Variants in C16orf96 observed in about 807,000 individuals in gnomAD.
C16orf96 encodes the protein uncharacterized protein C16orf96.
C16orf96 carries 108 observed loss-of-function variants against 103.6 expected under a neutral mutation model. The observed-to-expected ratio is 1.04, with a 90% confidence interval of 0.89 to 1.22. C16orf96 has a LOEUF of 1.22. Ranked by LOEUF, C16orf96 falls within the 50% of genes most tolerant of loss-of-function variation. The pLI, the probability that C16orf96 is intolerant of heterozygous loss-of-function variation, is 0.00. For synonymous variants in C16orf96, 566 were observed against 593.5 expected (o/e 0.95, Z 0.67); for missense variants, 1,586 against 1,464.2 (o/e 1.08, Z -1.36).
the C16orf96 span, among the ~76,000 whole-genome samples, chr16:4,545,188 T>C: frequency 2.0e-5 from 3 of 152,172 alleles, 1 homozygote; most frequent in South Asian, 6.2e-4. Flanking sequence ...ATTTTTGGAC[T>C]TCTGTATCTG....
chr16:4,584,315 G>A (rs1367052879), intron 7 of C16orf96, among the ~76,000 whole-genome samples: 1 of 149,146 alleles, frequency 6.7e-6, no homozygotes, highest in Non-Finnish European at 1.5e-5. Flanking sequence ...GGCCTCCTGA[G>A]TAGCTGGGAC....
At chr16:4,591,446 C>G (rs368412180) in intron 9 of C16orf96, among the ~76,000 whole-genome samples, 93 of 152,110 alleles carry the variant, frequency 6.1e-4, no homozygotes, top group Middle Eastern at 6.8e-3. Flanking sequence ...GCTTCTGCTG[C>G]TAGGAAGCTC....
intron 1 of C16orf96, among the ~76,000 whole-genome samples, chr16:4,559,320 G>A (rs1313324545): frequency 6.6e-6 from 1 of 151,838 alleles, no homozygotes; most frequent in Non-Finnish European, 1.5e-5. Flanking sequence ...AGGCAGGTGG[G>A]TCACTTGAGG....
At position 4,575,751 on chromosome 16, in the gene C16orf96, C is replaced by T. The variant is rs770408242; in HGVS notation, c.1271C>T (p.Pro424Leu). Residue 424 changes from proline (P) to leucine (L), a missense_variant, in exon 5 of 16, where the codon CCA (proline) becomes CTA (leucine). Coordinates refer to ENST00000444310, the MANE Select transcript of C16orf96 (RefSeq NM_001145011.2). ...RPTQPQPSRAPPPATEFGSLW... is the reference protein window; with the variant it reads ...RPTQPQPSRALPPATEFGSLW... ...ACTCAGCCCCAACCCTCCAGGGCCC[C>T]ACCACCAGCCACTGAGTTTGGCTCA... 1.3e-6 allele frequency: 2 copies of T among 1,546,628 alleles called. No homozygotes were observed. The highest frequency in any genetic ancestry group is 1.7e-6 in the Non-Finnish European group (2 of 1,144,886).
At chr16:4,554,164 T>C (rs959896303), upstream of C16orf96, among the ~76,000 whole-genome samples, 2 of 152,088 alleles carry the variant, frequency 1.3e-5, no homozygotes, top group East Asian at 3.9e-4. Context: ...CTCCTGGTCC[T>C]GTGGCAGCTG....
rs772359739 is a variant in C16orf96, at chr16:4,599,381, C to T, written c.3208+17C>T. ...TCTGCCCCCGTGAGTACCTGGTTCCCAGCCCCAGCCCAGCTGTGATTCTGG... is the reference window on the plus strand; with the variant it reads ...TCTGCCCCCGTGAGTACCTGGTTCCTAGCCCCAGCCCAGCTGTGATTCTGG... On this transcript the variant is annotated intron_variant, in intron 15 of 15. Transcript: ENST00000444310. 7.1e-6 allele frequency: 11 copies of T among 1,544,436 alleles called. No homozygotes were observed. In the South Asian group the frequency reaches 1.1e-4, roughly 15 times the overall value.
intron 9 of C16orf96, among the ~76,000 whole-genome samples, chr16:4,588,539 A>G (rs1896982511): frequency 6.6e-6 from 1 of 152,132 alleles, no homozygotes; most frequent in African/African-American, 2.4e-5. Context: ...ATGAGGCTGG[A>G]TGAGCCAATT....
chr16:4,544,711 C>T, the C16orf96 span, among the ~76,000 whole-genome samples: 3 of 152,164 alleles, frequency 2.0e-5, no homozygotes, highest in African/African-American at 7.2e-5. Flanking sequence ...GCATTTAGGT[C>T]ACTGCTCATA....
At chr16:4,546,310 T>C in the C16orf96 span, among the ~76,000 whole-genome samples, 2 of 151,338 alleles carry the variant, frequency 1.3e-5, no homozygotes, top group African/African-American at 2.4e-5. Context: ...AGGCGCCCGC[T>C]ACCGCGCCCA....
the C16orf96 span, among the ~76,000 whole-genome samples, chr16:4,548,337 C>T: frequency 2.0e-5 from 3 of 152,180 alleles, no homozygotes; most frequent in South Asian, 2.1e-4. Context: ...GCACCCAAGG[C>T]GCGCCTCTGA....
intron 1 of C16orf96, among the ~76,000 whole-genome samples, chr16:4,570,876 G>T (rs1486877428): frequency 6.6e-6 from 1 of 152,146 alleles, no homozygotes; most frequent in Admixed American, 6.5e-5. Flanking sequence ...CTCCACAGGA[G>T]CCCGAGAGAT....
rs753850793 is a variant in C16orf96, at chr16:4,576,362, C to T, written c.1882C>T (p.Pro628Ser). 1.4e-5 allele frequency: 22 copies of T among 1,550,792 alleles called. No individual in the cohort carries two copies. The highest frequency in any genetic ancestry group is 1.8e-5 in the Non-Finnish European group (21 of 1,147,006). The change falls in exon 5 of 16, where the codon CCT becomes TCT. Residue 628 changes from proline (P) to serine (S), a missense_variant. Coordinates refer to ENST00000444310, the MANE Select transcript of C16orf96 (RefSeq NM_001145011.2). ...GVFADVLGAG[P>S]SRGATESQIL... is the part of the protein sequence containing the mutation. ...CTTTGCAGATGTCCTGGGTGCAGGG[C>T]CTTCCCGGGGAGCCACAGAATCCCA...
chr16:4,562,736 G>T, intron 1 of C16orf96: 1 of 646,190 alleles, frequency 1.5e-6, no homozygotes, highest in Non-Finnish European at 2.5e-6. Context: ...AGAACATTTA[G>T]AAAACAAAAG....
At chr16:4,550,207 C>G in the C16orf96 span, among the ~76,000 whole-genome samples, 1 of 151,950 alleles carries the variant, frequency 6.6e-6, no homozygotes, top group Admixed American at 6.6e-5. Context: ...GCCTCAGCCT[C>G]CCAAGTAGCT....
chr16:4,550,617 T>C, the C16orf96 span, among the ~76,000 whole-genome samples: 32 of 152,108 alleles, frequency 2.1e-4, no homozygotes, highest in Admixed American at 1.8e-3. Flanking sequence ...CCTCCCTTCA[T>C]CTCAACAAGG....
chr16:4,592,192 C>T, intron 10 of C16orf96, 113 bp from the exon 11 acceptor site: 1 of 1,318,386 alleles, frequency 7.6e-7, no homozygotes. Context: ...TGGGGCTGAG[C>T]TGGGCCGGGC....
chr16:4,597,421 C>T (rs894452156), intron 14 of C16orf96, among the ~76,000 whole-genome samples: 2 of 152,198 alleles, frequency 1.3e-5, no homozygotes, highest in African/African-American at 4.8e-5. Context: ...TCTGATGCAC[C>T]CAGTCCTGTC....
intron 1 of C16orf96, among the ~76,000 whole-genome samples, chr16:4,564,332 G>A (rs1475278843): frequency 6.6e-6 from 1 of 152,158 alleles, no homozygotes; most frequent in Non-Finnish European, 1.5e-5. Flanking sequence ...AGCTTCTGCA[G>A]CTCAGGTGAT....
intron 3 of C16orf96, 61 bp from the exon 4 acceptor site, chr16:4,574,911 G>GT: frequency 6.5e-7 from 1 of 1,528,712 alleles, no homozygotes. Context: ...TTTCTTTGCA[G>GT]GTGTGGGGGA....
Sources: allele counts gnomAD v4.1 joint callset (sites outside exome capture counted in the v4.1 genomes callset), GRCh38; gene constraint gnomAD v4.1.1; transcripts MANE v1.5; gene names NCBI Gene and HGNC (gene_info 2026-07-23, HGNC 2026-07-21).